Variants in ELF1 observed in about 807,000 individuals in gnomAD.
ELF1 encodes the protein ETS-related transcription factor Elf-1.
ELF1 carries 24 observed loss-of-function variants against 59.9 expected under a neutral mutation model. The ratio of observed to expected loss-of-function variants is 0.40; its 90% CI spans 0.29 to 0.56. The LOEUF (loss-of-function observed/expected upper bound fraction) is 0.56. Ranked by LOEUF, ELF1 falls within the 20% of genes least tolerant of loss-of-function variation. ELF1 has a pLI of 0.44. For synonymous variants in ELF1, 248 were observed against 266.2 expected (o/e 0.93, Z 0.67); for missense variants, 627 against 742.2 (o/e 0.84, Z 1.80).
intron 1 of ELF1, among the ~76,000 whole-genome samples, chr13:40,999,699 T>C (rs1310264714): frequency 3.3e-5 from 5 of 152,176 alleles, no homozygotes; most frequent in Admixed American, 2.0e-4. Flanking sequence ...GACTGCTACA[T>C]TGAAAACTTC....
chr13:41,059,520 T>C (rs1372791156), intron 1 of ELF1, among the ~76,000 whole-genome samples: 1 of 152,232 alleles, frequency 6.6e-6, no homozygotes. Context: ...AGCTACAAAA[T>C]AGTCTGGGAA....
At chr13:41,060,595 C>T (rs1381981570) in intron 1 of ELF1, among the ~76,000 whole-genome samples, 1 of 152,178 alleles carries the variant, frequency 6.6e-6, no homozygotes, top group African/African-American at 2.4e-5. Flanking sequence ...AGCCGCAGCC[C>T]AGCTCCTGGC....
upstream of ELF1, among the ~76,000 whole-genome samples, chr13:41,024,289 TTTTG>T (rs139837622): frequency 1.4e-4 from 21 of 151,884 alleles, no homozygotes; most frequent in South Asian, 2.1e-4. Context: ...CCACTGCTGT[TTTTG>T]TTTGTTTGTT....
chr13:40,940,461 TAG>T (rs1165572585), intron 8 of ELF1, among the ~76,000 whole-genome samples: 1 of 150,496 alleles, frequency 6.6e-6, no homozygotes, highest in African/African-American at 2.5e-5. Flanking sequence ...AAGAGGACCT[TAG>T]ATTCTTGGCC....
chr13:41,009,116 G>A (rs1268446801), intron 1 of ELF1, among the ~76,000 whole-genome samples: 3 of 151,656 alleles, frequency 2.0e-5, no homozygotes, highest in Non-Finnish European at 4.4e-5. Context: ...AAATAATTAT[G>A]TTAAAATGTA....
chr13:40,990,151 A>C (rs59691646), intron 1 of ELF1, among the ~76,000 whole-genome samples: 7,265 of 152,282 alleles, frequency 0.048, 424 homozygotes, highest in East Asian at 0.23. Flanking sequence ...ATTTATGACA[A>C]ATTGGTTAAA....
chr13:40,999,342 A>G (rs1874284292), intron 1 of ELF1, among the ~76,000 whole-genome samples: 1 of 130,714 alleles, frequency 7.7e-6, no homozygotes, highest in Admixed American at 8.3e-5. Flanking sequence ...GGAGTTGGAG[A>G]GACTAAAGGG....
chr13:40,938,749 C>T (rs886695698), intron 8 of ELF1, among the ~76,000 whole-genome samples: 1 of 151,724 alleles, frequency 6.6e-6, no homozygotes, highest in Non-Finnish European at 1.5e-5. Context: ...CATATACATT[C>T]CATCTTCTCT....
chr13:40,955,845 A>T (rs1214118753), intron 3 of ELF1, among the ~76,000 whole-genome samples: 51 of 66,112 alleles, frequency 7.7e-4, no homozygotes, highest in East Asian at 2.6e-3. Flanking sequence ...GGCCACCCCT[A>T]CTGGGAAGAG....
chr13:41,018,117 T>C (rs1019334296), intron 1 of ELF1, among the ~76,000 whole-genome samples: 1 of 152,262 alleles, frequency 6.6e-6, no homozygotes, highest in Admixed American at 6.5e-5. Context: ...AATATCATTT[T>C]GGTCAACAAG....
chr13:41,032,452 AG>A (rs1876203672), intron 1 of ELF1, among the ~76,000 whole-genome samples: 1 of 152,070 alleles, frequency 6.6e-6, no homozygotes, highest in Admixed American at 6.5e-5. Flanking sequence ...TCCTGACCTC[AG>A]GTGATCCTCC....
At chr13:41,032,873 A>G (rs919725400) in intron 1 of ELF1, among the ~76,000 whole-genome samples, 1 of 151,780 alleles carries the variant, frequency 6.6e-6, no homozygotes, top group African/African-American at 2.4e-5. Context: ...AAACAAACCA[A>G]AGAAAAAACT....
chr13:40,982,378 T>C (rs1261157093), intron 1 of ELF1, 96 bp from the exon 2 acceptor site: 1 of 820,848 alleles, frequency 1.2e-6, no homozygotes, highest in African/African-American at 1.8e-5. Flanking sequence ...AGCATTTTTT[T>C]ATTATTAACG....
chr13:41,059,971 C>T (rs1433215293), intron 1 of ELF1, among the ~76,000 whole-genome samples: 4 of 152,206 alleles, frequency 2.6e-5, no homozygotes, highest in Non-Finnish European at 4.4e-5. Flanking sequence ...TTTTTCTCCT[C>T]CATAGCTCGT....
intron 1 of ELF1, among the ~76,000 whole-genome samples, chr13:41,045,762 T>C (rs1184140778): frequency 6.6e-6 from 1 of 152,214 alleles, no homozygotes; most frequent in Non-Finnish European, 1.5e-5. Context: ...TTCTGTTGAT[T>C]TGGGGTGGAG....
At chr13:41,035,170 T>C (rs895976851) in intron 1 of ELF1, among the ~76,000 whole-genome samples, 1 of 152,258 alleles carries the variant, frequency 6.6e-6, no homozygotes, top group African/African-American at 2.4e-5. Flanking sequence ...AAGCACTCTT[T>C]GCATTTTGAG....
chr13:40,951,279 C>T (rs1870828898), intron 4 of ELF1, 50 bp downstream of exon 4: 1 of 1,393,524 alleles, frequency 7.2e-7, no homozygotes, highest in East Asian at 2.4e-5. Context: ...AGAAAGATGG[C>T]AAGAGTAACT....
chr13:41,011,005 T>C (rs1020331776), intron 1 of ELF1, among the ~76,000 whole-genome samples: 1 of 152,192 alleles, frequency 6.6e-6, no homozygotes, highest in Admixed American at 6.5e-5. Flanking sequence ...AGAATGTATA[T>C]CTAGTTTATA....
chr13:40,950,107 T>C, intron 4 of ELF1, 134 bp from the exon 5 acceptor site: 1 of 842,598 alleles, frequency 1.2e-6, no homozygotes, highest in Non-Finnish European at 1.7e-6. Flanking sequence ...TTCCTGCGTT[T>C]AAGTTCCCCT....
Sources: allele counts gnomAD v4.1 joint callset (sites outside exome capture counted in the v4.1 genomes callset), GRCh38; gene constraint gnomAD v4.1.1; transcripts MANE v1.5; gene names NCBI Gene and HGNC (gene_info 2026-07-23, HGNC 2026-07-21).